The following KIAA1328 variants were observed in gnomAD, a reference collection of about 807,000 sequenced individuals.
KIAA1328 encodes protein hinderin.
KIAA1328 carries 52 observed loss-of-function variants against 68.1 expected under a neutral mutation model. The observed-to-expected ratio is 0.76, with a 90% CI of 0.61 to 0.96. KIAA1328 has a LOEUF of 0.96. Among genes scored for constraint, KIAA1328 ranks in the 40% least tolerant of loss-of-function variants. The pLI, the probability that KIAA1328 is intolerant of heterozygous loss-of-function variation, is 0.00. For missense variants in KIAA1328, 641 were observed against 677.6 expected (o/e 0.95, Z 0.60); for synonymous variants, 232 against 239.4 (o/e 0.97, Z 0.28).
chr18:36,865,289 T>A (rs985014181), intron 4 of KIAA1328, among the ~76,000 whole-genome samples: 1 of 152,182 alleles, frequency 6.6e-6, no homozygotes, highest in African/African-American at 2.4e-5. Context: ...TGTATTTTTT[T>A]ATTTCCCTTG....
intron 6 of KIAA1328, among the ~76,000 whole-genome samples, chr18:37,031,187 G>A (rs2054813264): frequency 6.6e-6 from 1 of 151,924 alleles, no homozygotes; most frequent in Admixed American, 6.6e-5. Context: ...TAATCCTTTG[G>A]GTATATACCT....
At chr18:36,885,771 G>A in intron 5 of KIAA1328, 99 bp downstream of exon 5, 1 of 713,622 alleles carries the variant, frequency 1.4e-6, no homozygotes, top group Non-Finnish European at 2.3e-6. Flanking sequence ...AGGCTGCAGT[G>A]CAATGGTGCG....
intron 7 of KIAA1328, among the ~76,000 whole-genome samples, chr18:37,108,558 A>C (rs531877856): frequency 6.6e-6 from 1 of 152,316 alleles, no homozygotes; most frequent in African/African-American, 2.4e-5. Flanking sequence ...AAAATATATA[A>C]ATTTCTAATA....
intron 5 of KIAA1328, among the ~76,000 whole-genome samples, chr18:36,957,485 C>T (rs1386268532): frequency 6.6e-6 from 1 of 152,036 alleles, no homozygotes; most frequent in East Asian, 1.9e-4. Context: ...TGACATTTTC[C>T]AATTTAGTAT....
At chr18:37,055,948 T>A (rs895160114) in intron 6 of KIAA1328, among the ~76,000 whole-genome samples, 15 of 152,200 alleles carry the variant, frequency 9.9e-5, no homozygotes, top group African/African-American at 3.6e-4. Flanking sequence ...AACTCATAAA[T>A]GCATTGGAAG....
intron 9 of KIAA1328, among the ~76,000 whole-genome samples, chr18:37,185,118 A>G (rs919388366): frequency 1.3e-5 from 2 of 151,716 alleles, no homozygotes; most frequent in African/African-American, 4.8e-5. Flanking sequence ...GTGAGCTGAG[A>G]TCGCGCCACT....
intron 7 of KIAA1328, among the ~76,000 whole-genome samples, chr18:37,093,170 C>G (rs2057312886): frequency 6.6e-6 from 1 of 151,988 alleles, no homozygotes; most frequent in Non-Finnish European, 1.5e-5. Flanking sequence ...AAAAGTGAAC[C>G]CATAAAATTG....
At chr18:36,981,501 G>A (rs1483616450) in intron 6 of KIAA1328, among the ~76,000 whole-genome samples, 2 of 152,040 alleles carry the variant, frequency 1.3e-5, no homozygotes, top group Non-Finnish European at 2.9e-5. Flanking sequence ...TAACAGTCAA[G>A]GATTATTAAG....
chr18:36,906,114 C>T (rs542973769), intron 5 of KIAA1328, among the ~76,000 whole-genome samples: 44 of 152,258 alleles, frequency 2.9e-4, no homozygotes, highest in African/African-American at 9.6e-4. Flanking sequence ...CAGCTTTCCT[C>T]CCCTCTTTCA....
At chr18:37,077,594 G>A (rs1353629539) in intron 7 of KIAA1328, among the ~76,000 whole-genome samples, 5 of 151,962 alleles carry the variant, frequency 3.3e-5, no homozygotes, top group African/African-American at 7.3e-5. Flanking sequence ...CATCGACTCA[G>A]CCCAAAATCT....
chr18:37,050,938 G>A (rs1359172961), intron 6 of KIAA1328, among the ~76,000 whole-genome samples: 3 of 151,940 alleles, frequency 2.0e-5, no homozygotes, highest in Non-Finnish European at 4.4e-5. Context: ...GCTCTTAAAC[G>A]TAGCATAAAC....
Position 37,059,007 on chromosome 18 carries a change from C to T in KIAA1328, c.577-7883C>T, listed in dbSNP as rs1164009275. 4.6e-5 allele frequency among the ~76,000 whole-genome samples: 7 copies of T among 151,102 alleles called. No homozygotes were observed. The South Asian group carries it at 6.3e-4, about 13-fold the overall frequency. ...ACATTTCTCTGTTTATTATATTTCA[C>T]GTTAAAGAAGTTGGGTTTTTTTTTT... is the stretch of plus-strand genomic sequence containing the variant. On this transcript the variant is annotated intron_variant, in intron 6 of 9. Coordinates refer to ENST00000280020, the MANE Select transcript of KIAA1328 (RefSeq NM_020776.3).
chr18:37,141,431 C>CT (rs1339359358), intron 7 of KIAA1328, among the ~76,000 whole-genome samples: 1 of 152,152 alleles, frequency 6.6e-6, no homozygotes. Flanking sequence ...TATTCCATTA[C>CT]TTTTTTATAA....
chr18:36,848,541 C>CTTTTTTTTTTTTTTTTTTTTTTTT (rs59271370), intron 4 of KIAA1328, among the ~76,000 whole-genome samples: 3 of 38,152 alleles, frequency 7.9e-5, no homozygotes, highest in Non-Finnish European at 1.4e-4. Context: ...TCTATAGATG[C>CTTTTTTTTTTTTTTTTTTTTTTTT]TTTTTTTTTT....
At chr18:36,865,728 C>T (rs1282623379) in intron 4 of KIAA1328, among the ~76,000 whole-genome samples, 2 of 152,136 alleles carry the variant, frequency 1.3e-5, no homozygotes, top group African/African-American at 4.8e-5. Context: ...GCTTGTGTTG[C>T]AGCACACCAG....
At chr18:37,174,066 A>G (rs528428938) in intron 9 of KIAA1328, among the ~76,000 whole-genome samples, 14 of 152,336 alleles carry the variant, frequency 9.2e-5, no homozygotes, top group African/African-American at 3.1e-4. Flanking sequence ...GCTACCATCT[A>G]TTAAGTATCT....
intron 8 of KIAA1328, among the ~76,000 whole-genome samples, chr18:37,171,538 G>C (rs2059499713): frequency 1.3e-5 from 2 of 152,130 alleles, no homozygotes; most frequent in Admixed American, 1.3e-4. Flanking sequence ...ATAGTCAAGA[G>C]TGTCTTGTGT....
At chr18:37,203,688 G>A (rs2060158060) in intron 9 of KIAA1328, among the ~76,000 whole-genome samples, 1 of 152,216 alleles carries the variant, frequency 6.6e-6, no homozygotes, top group Non-Finnish European at 1.5e-5. Flanking sequence ...AGCATGGCCA[G>A]GAGGCACAGC....
intron 7 of KIAA1328, among the ~76,000 whole-genome samples, chr18:37,113,162 C>T (rs1029815538): frequency 1.3e-5 from 2 of 152,022 alleles, no homozygotes; most frequent in Admixed American, 6.6e-5. Flanking sequence ...CAGAGAATGC[C>T]ACAAAGATAT....
Sources: allele counts gnomAD v4.1 joint callset (sites outside exome capture counted in the v4.1 genomes callset), GRCh38; gene constraint gnomAD v4.1.1; transcripts MANE v1.5; gene names NCBI Gene and HGNC (gene_info 2026-07-23, HGNC 2026-07-21).